Variants in ARHGAP10 observed in about 807,000 individuals in gnomAD.
The protein encoded by ARHGAP10 is rho GTPase-activating protein 10.
A neutral mutation model predicts 108.6 loss-of-function variants in ARHGAP10; 87 were observed. The observed-to-expected ratio is 0.80, with a 90% confidence interval of 0.67 to 0.96. The LOEUF (loss-of-function observed/expected upper bound fraction) is 0.96, where lower values mean the gene tolerates loss of function less well. Ranked by LOEUF, ARHGAP10 falls within the 40% of genes least tolerant of loss-of-function variation. The probability of loss-of-function intolerance (pLI) is 0.00; values close to 1 mark genes in which losing one functional copy is unlikely to be tolerated. For missense variants in ARHGAP10, 939 were observed against 954.5 expected (o/e 0.98, Z 0.21); for synonymous variants, 347 against 341.1 (o/e 1.02, Z -0.19).
intron 1 of ARHGAP10, among the ~76,000 whole-genome samples, chr4:147,813,400 A>G (rs1227974467): frequency 6.6e-6 from 1 of 152,196 alleles, no homozygotes; most frequent in Non-Finnish European, 1.5e-5. Context: ...GGGACACCAG[A>G]TAGCTACCTC....
At chr4:147,792,309 C>A (rs188461671) in intron 1 of ARHGAP10, among the ~76,000 whole-genome samples, 1 of 152,288 alleles carries the variant, frequency 6.6e-6, no homozygotes, top group Admixed American at 6.5e-5. Flanking sequence ...TATCTTTTCA[C>A]GTATTTATTG....
intron 19 of ARHGAP10, among the ~76,000 whole-genome samples, chr4:148,046,355 A>G (rs550449819): frequency 4.6e-5 from 7 of 152,230 alleles, no homozygotes; most frequent in Middle Eastern, 3.2e-3. Flanking sequence ...CCTGATATCC[A>G]AAGGGAAATG....
At chr4:147,929,845 A>G (rs1312407639) in intron 13 of ARHGAP10, among the ~76,000 whole-genome samples, 2 of 152,224 alleles carry the variant, frequency 1.3e-5, no homozygotes, top group Non-Finnish European at 2.9e-5. Flanking sequence ...TAATATTTTT[A>G]TGTGCATAAA....
intron 18 of ARHGAP10, among the ~76,000 whole-genome samples, chr4:148,022,075 C>T (rs374733576): frequency 1.4e-3 from 207 of 152,276 alleles, no homozygotes; most frequent in African/African-American, 4.5e-3. Context: ...GTGATATACC[C>T]TCACTTGTAT....
intron 4 of ARHGAP10, among the ~76,000 whole-genome samples, chr4:147,851,289 C>T (rs1226746026): frequency 6.7e-6 from 1 of 150,184 alleles, no homozygotes; most frequent in African/African-American, 2.4e-5. Flanking sequence ...GGATTTCATT[C>T]TGTTGTCCAG....
At chr4:147,881,698 A>T (rs1735333705) in intron 9 of ARHGAP10, 140 bp from the exon 10 acceptor site, 1 of 593,016 alleles carries the variant, frequency 1.7e-6, no homozygotes, top group Admixed American at 3.3e-5. Flanking sequence ...GCATTTAAAT[A>T]AGCCAGTTTG....
chr4:147,894,742 C>T (rs576027985), intron 10 of ARHGAP10, among the ~76,000 whole-genome samples: 58 of 152,122 alleles, frequency 3.8e-4, no homozygotes, highest in Non-Finnish European at 6.2e-4. Context: ...TATTTTTTCC[C>T]CAGGTGAATA....
chr4:148,072,645 A>G lies in ARHGAP10; in HGVS notation c.*564A>G, dbSNP rs924042102. The G allele has an allele frequency of 2.7e-5, 4 of 149,500 alleles. No homozygotes were observed. Among genetic ancestry groups the G allele is most frequent in the African/African-American group, 9.9e-5 (4 of 40,268 alleles). The allele number at this position is 149,500 out of a possible 1,614,324, so 9.3% of individuals were successfully genotyped here. The stretch of plus-strand genomic sequence containing the variant: ...TAGACGGCCACCTGCAGGACCCCAC[A>G]CTCACTGCACTGGCAGCGTGCACTG... On this transcript the variant is annotated 3_prime_UTR_variant, in exon 23 of 23. Coordinates refer to ENST00000336498, the MANE Select transcript of ARHGAP10 (RefSeq NM_024605.4).
intron 10 of ARHGAP10, among the ~76,000 whole-genome samples, chr4:147,886,936 A>G (rs1735593187): frequency 6.6e-6 from 1 of 151,882 alleles, no homozygotes; most frequent in African/African-American, 2.4e-5. Flanking sequence ...ATACCTGACT[A>G]ATTTTTGTAT....
rs1444720631 is a variant in ARHGAP10 at position 148,072,070 on chromosome 4, A to G, written c.2350A>G (p.Lys784Glu). 1 of 1,612,628 alleles carries G rather than the reference A, an allele frequency of 6.2e-7. No homozygotes were observed. Among genetic ancestry groups the G allele is most frequent in the African/African-American group, 1.3e-5 (1 of 74,874 alleles). The change falls in exon 23 of 23, where the codon AAG becomes GAG. Residue 784 changes from lysine to glutamate, a missense_variant. Transcript: ENST00000336498. Reference protein sequence around the residue: ...KRGLIPQNYVKLL With the variant: ...KRGLIPQNYVELL ...GGGGCTGATTCCACAGAACTACGTC[A>G]AGCTGCTGTAGCTCCTGGCCTCAGA...
intron 19 of ARHGAP10, among the ~76,000 whole-genome samples, chr4:148,033,926 AC>A (rs1728261168): frequency 6.6e-6 from 1 of 152,140 alleles, no homozygotes; most frequent in Admixed American, 6.5e-5. Context: ...GATCCCTATT[AC>A]TGGAAATACT....
intron 1 of ARHGAP10, among the ~76,000 whole-genome samples, chr4:147,798,156 G>A (rs1393253831): frequency 6.6e-6 from 1 of 151,354 alleles, no homozygotes; most frequent in Non-Finnish European, 1.5e-5. Context: ...TTTTCGTAAG[G>A]GATACATTCT....
chr4:147,879,828 A>G (rs1735254385), intron 9 of ARHGAP10, among the ~76,000 whole-genome samples: 1 of 152,220 alleles, frequency 6.6e-6, no homozygotes, highest in Admixed American at 6.5e-5. Context: ...GAACAATAGA[A>G]TCCTTTTTAT....
chr4:147,851,818 TG>T (rs1371362396), intron 4 of ARHGAP10, among the ~76,000 whole-genome samples: 1 of 152,190 alleles, frequency 6.6e-6, no homozygotes, highest in African/African-American at 2.4e-5. Flanking sequence ...TGGAAAGTGC[TG>T]TAATAGCGGT....
At chr4:147,919,445 A>T (rs529332493) in intron 13 of ARHGAP10, among the ~76,000 whole-genome samples, 1 of 152,356 alleles carries the variant, frequency 6.6e-6, no homozygotes, top group Admixed American at 6.5e-5. Flanking sequence ...ATTTGCTAAT[A>T]ATACATACCG....
chr4:147,749,952 A>G (rs1578997934), intron 1 of ARHGAP10, among the ~76,000 whole-genome samples: 1 of 152,236 alleles, frequency 6.6e-6, no homozygotes, highest in Admixed American at 6.5e-5. Flanking sequence ...ACCACAGCGA[A>G]CAGTGTTTTG....
At chr4:147,892,865 G>C (rs1735840217) in intron 10 of ARHGAP10, among the ~76,000 whole-genome samples, 1 of 152,096 alleles carries the variant, frequency 6.6e-6, no homozygotes, top group South Asian at 2.1e-4. Context: ...GTTAGAAGAG[G>C]GCAGGGAGTT....
intron 13 of ARHGAP10, among the ~76,000 whole-genome samples, chr4:147,915,125 A>C (rs977317546): frequency 6.6e-6 from 1 of 152,184 alleles, no homozygotes; most frequent in African/African-American, 2.4e-5. Context: ...CAGGACTGCC[A>C]CCTATGAAAC....
chr4:147,846,386 T>C (rs755475503), intron 3 of ARHGAP10, among the ~76,000 whole-genome samples: 7 of 152,232 alleles, frequency 4.6e-5, no homozygotes, highest in Non-Finnish European at 8.8e-5. Flanking sequence ...TGGATATTTC[T>C]GGTCTCCTGG....
Sources: gnomAD v4.1 joint callset for allele counts (sites outside exome capture counted in the v4.1 genomes callset) on GRCh38, gnomAD v4.1.1 for gene constraint, MANE v1.5 for transcripts, NCBI Gene and HGNC (gene_info 2026-07-23, HGNC 2026-07-21) for gene names.